The following ZNF883 variants were observed in gnomAD, a reference collection of about 807,000 sequenced individuals.
The protein encoded by ZNF883 is zinc finger protein 883.
chr9:112,991,743 G>A (rs1828305319), intron 1 of ZNF883, among the ~76,000 whole-genome samples: 1 of 152,144 alleles, frequency 6.6e-6, no homozygotes, highest in African/African-American at 2.4e-5. Flanking sequence ...CTAAGAACTT[G>A]TTTTATGAGT....
chr9:112,996,273 C>T (rs1828353267), downstream of ZNF883, among the ~76,000 whole-genome samples: 2 of 151,978 alleles, frequency 1.3e-5, no homozygotes, highest in African/African-American at 4.8e-5. Flanking sequence ...TATATATAGT[C>T]CATTAAAAAA....
downstream of ZNF883, among the ~76,000 whole-genome samples, chr9:112,994,475 A>G (rs1304592726): frequency 1.3e-5 from 2 of 151,982 alleles, no homozygotes; most frequent in Non-Finnish European, 2.9e-5. Context: ...CTTGTGAATT[A>G]TATCTTAATA....
chr9:113,009,049 C>T (rs1187396046), intron 2 of ZNF883, among the ~76,000 whole-genome samples: 1 of 152,134 alleles, frequency 6.6e-6, no homozygotes, highest in East Asian at 1.9e-4. Context: ...TGGATGATTG[C>T]TTTAGCTTCC....
chr9:112,993,467 C>T (rs79072713), downstream of ZNF883, among the ~76,000 whole-genome samples: 109 of 152,272 alleles, frequency 7.2e-4, no homozygotes, highest in African/African-American at 2.5e-3. Flanking sequence ...CTAAGGCCAG[C>T]AGGAATGCTC....
At chr9:113,004,144 C>T (rs543118830) in intron 2 of ZNF883, among the ~76,000 whole-genome samples, 77 of 152,282 alleles carry the variant, frequency 5.1e-4, no homozygotes, top group South Asian at 1.0e-3. Context: ...AACAGAGTTA[C>T]GCAGCTGAAA....
intron 1 of ZNF883, among the ~76,000 whole-genome samples, chr9:113,011,606 T>C (rs1828540082): frequency 6.6e-6 from 1 of 152,156 alleles, no homozygotes; most frequent in South Asian, 2.1e-4. Context: ...CAGTTCTTTA[T>C]AGAAGAGACT....
chr9:113,004,967 A>C (rs532995255), intron 2 of ZNF883, among the ~76,000 whole-genome samples: 166 of 152,160 alleles, frequency 1.1e-3, no homozygotes, highest in African/African-American at 4.0e-3. Flanking sequence ...AGGAAGGATA[A>C]AAATTTAATA....
At chr9:113,010,660 T>C (rs568301943) in intron 2 of ZNF883, among the ~76,000 whole-genome samples, 3 of 152,118 alleles carry the variant, frequency 2.0e-5, no homozygotes, top group South Asian at 4.1e-4. Flanking sequence ...ATGTTACACA[T>C]GATGAATATA....
At chr9:112,991,137 T>C (rs1263744012) in intron 1 of ZNF883, among the ~76,000 whole-genome samples, 1 of 152,106 alleles carries the variant, frequency 6.6e-6, no homozygotes, top group Non-Finnish European at 1.5e-5. Flanking sequence ...TCTGCTAGCT[T>C]TGGGTTTGTT....
chr9:112,990,116 T>C (rs1402861623), intron 1 of ZNF883, among the ~76,000 whole-genome samples: 1 of 152,184 alleles, frequency 6.6e-6, no homozygotes, highest in Non-Finnish European at 1.5e-5. Context: ...TTTCTTTCTC[T>C]TGACTGATTG....
At chr9:112,990,550 A>C (rs1259651511) in intron 1 of ZNF883, among the ~76,000 whole-genome samples, 1 of 152,134 alleles carries the variant, frequency 6.6e-6, no homozygotes, top group Non-Finnish European at 1.5e-5. Flanking sequence ...ATCGATGTTC[A>C]TCAGGGACAT....
downstream of ZNF883, among the ~76,000 whole-genome samples, chr9:112,996,816 AAAAAAAAAGT>A (rs1419653976): frequency 1.8e-4 from 19 of 105,796 alleles, no homozygotes; most frequent in Non-Finnish European, 2.8e-4. Flanking sequence ...AAAAAAAAAA[AAAAAAAAAGT>A]TTTTTTATAA....
At chr9:112,994,777 C>G (rs1444158966), downstream of ZNF883, among the ~76,000 whole-genome samples, 1 of 151,816 alleles carries the variant, frequency 6.6e-6, no homozygotes, top group African/African-American at 2.4e-5. Flanking sequence ...GTACATATAT[C>G]ATTTTAGTAG....
intron 2 of ZNF883, among the ~76,000 whole-genome samples, chr9:113,005,009 A>AG (rs1191137279): frequency 6.6e-6 from 1 of 152,114 alleles, no homozygotes; most frequent in East Asian, 1.9e-4. Context: ...TTATCCACTT[A>AG]GGGAAAAAAT....
intron 2 of ZNF883, among the ~76,000 whole-genome samples, chr9:113,008,760 A>T (rs1828502255): frequency 6.6e-6 from 1 of 152,018 alleles, no homozygotes; most frequent in Admixed American, 6.6e-5. Flanking sequence ...GTGCACTGGT[A>T]GAGGAGTTGG....
At chr9:112,989,303 G>C (rs138096156) in intron 1 of ZNF883, among the ~76,000 whole-genome samples, 3,670 of 152,218 alleles carry the variant, frequency 0.024, 78 homozygotes, top group East Asian at 0.12. Context: ...TTTTGTATAA[G>C]GTGTAGGGAA....
exon 1 of ZNF883, chr9:112,997,955 C>A (rs1478109263): frequency 1.5e-5 from 25 of 1,613,698 alleles, no homozygotes; most frequent in Non-Finnish European, 1.9e-5. Flanking sequence ...GGTTTTTTCA[C>A]ATTCATTACA....
At chr9:113,011,786 G>A (rs767532167) in intron 1 of ZNF883, among the ~76,000 whole-genome samples, 1 of 152,072 alleles carries the variant, frequency 6.6e-6, no homozygotes, top group South Asian at 2.1e-4. Context: ...GTCTGGGGTG[G>A]TTGCCCCTCC....
exon 1 of ZNF883, chr9:112,998,097 T>C: frequency 6.2e-7 from 1 of 1,613,974 alleles, no homozygotes; most frequent in Non-Finnish European, 8.5e-7. Flanking sequence ...TGAACAAGAT[T>C]ACTGTTCCGG....
Sources: gnomAD v4.1 joint callset for allele counts (sites outside exome capture counted in the v4.1 genomes callset) on GRCh38, gnomAD v4.1.1 for gene constraint, MANE v1.5 for transcripts, NCBI Gene and HGNC (gene_info 2026-07-23, HGNC 2026-07-21) for gene names.